The following KCNIP4 variants were observed in gnomAD, a reference collection of about 807,000 sequenced individuals.
KCNIP4 encodes the protein potassium voltage-gated channel interacting protein 4.
A neutral mutation model predicts 34.0 loss-of-function variants in KCNIP4; 12 were observed. That is an observed-to-expected ratio of 0.35 (90% CI 0.23 to 0.57). The LOEUF (loss-of-function observed/expected upper bound fraction) is 0.57. KCNIP4 is among the 20% of genes least tolerant of loss of function. KCNIP4 has a pLI of 0.83. For missense variants in KCNIP4, 238 were observed against 311.7 expected, an observed-to-expected ratio of 0.76 and a Z score of 1.78; for synonymous variants, 124 against 102.2, an observed-to-expected ratio of 1.21 and a Z score of -1.29.
intron 1 of KCNIP4, among the ~76,000 whole-genome samples, chr4:20,949,964 T>A (rs1347643540): frequency 6.6e-6 from 1 of 150,976 alleles, no homozygotes; most frequent in Non-Finnish European, 1.5e-5. Flanking sequence ...CATATGTAAC[T>A]AACCTGCACA....
intron 1 of KCNIP4, among the ~76,000 whole-genome samples, chr4:21,797,527 T>C (rs946206510): frequency 6.7e-6 from 1 of 149,646 alleles, no homozygotes; most frequent in South Asian, 2.2e-4. Flanking sequence ...ATTTATGTCT[T>C]ATGCTTTTGT....
intron 1 of KCNIP4, among the ~76,000 whole-genome samples, chr4:21,108,256 G>A (rs1467339034): frequency 2.1e-5 from 3 of 144,336 alleles, no homozygotes; most frequent in Non-Finnish European, 3.0e-5. Context: ...CGTAGATTTG[G>A]TCTTTTCACG....
chr4:21,526,322 C>T (rs114714117), intron 1 of KCNIP4, among the ~76,000 whole-genome samples: 2,133 of 152,176 alleles, frequency 0.014, 27 homozygotes, highest in Middle Eastern at 0.027. Context: ...CTCTTGCCTG[C>T]CGCCATGTAA....
At chr4:21,239,760 T>G (rs1577944305) in intron 1 of KCNIP4, among the ~76,000 whole-genome samples, 1 of 152,224 alleles carries the variant, frequency 6.6e-6, no homozygotes, top group East Asian at 1.9e-4. Context: ...ATAGGAACAC[T>G]TTTACACTGT....
At position 21,368,000 on chromosome 4, in the gene KCNIP4, C is replaced by T. The variant is rs960145358; in HGVS notation, c.62-485291G>A. On this transcript the variant is annotated intron_variant, in intron 1 of 8. Transcript: ENST00000382152. ...AAGCGTACCCATGTTTAACTCTCAACACCTCTTGCCAGGCTGAGACAAAAT... is the reference window on the plus strand; with the variant it reads ...AAGCGTACCCATGTTTAACTCTCAATACCTCTTGCCAGGCTGAGACAAAAT... Among the ~76,000 whole-genome samples, 5 of 147,256 alleles carry T rather than the reference C, an allele frequency of 3.4e-5. 1 individual carries two copies. The highest frequency in any genetic ancestry group is 5.4e-5 in the African/African-American group (2 of 36,872).
chr4:21,793,944 C>A (rs1256150787), intron 1 of KCNIP4, among the ~76,000 whole-genome samples: 1 of 152,174 alleles, frequency 6.6e-6, no homozygotes, highest in African/African-American at 2.4e-5. Flanking sequence ...CCATGGAATA[C>A]TATGCAGCCA....
intron 1 of KCNIP4, among the ~76,000 whole-genome samples, chr4:21,678,239 A>G (rs1750063197): frequency 6.6e-6 from 1 of 151,912 alleles, no homozygotes; most frequent in African/African-American, 2.4e-5. Flanking sequence ...GTTTCATGCA[A>G]ACTTTATCAT....
chr4:20,912,428 T>C (rs998494835), intron 1 of KCNIP4, among the ~76,000 whole-genome samples: 1 of 152,138 alleles, frequency 6.6e-6, no homozygotes, highest in African/African-American at 2.4e-5. Flanking sequence ...AAGAAATTCA[T>C]TTATAGGCTG....
At chr4:21,113,786 A>G (rs1749459969) in intron 1 of KCNIP4, among the ~76,000 whole-genome samples, 1 of 152,234 alleles carries the variant, frequency 6.6e-6, no homozygotes, top group Admixed American at 6.5e-5. Flanking sequence ...GTAAAGAAGA[A>G]ACAAACCATA....
At chr4:20,776,653 C>T (rs567624410) in intron 3 of KCNIP4, among the ~76,000 whole-genome samples, 8 of 152,138 alleles carry the variant, frequency 5.3e-5, no homozygotes, top group African/African-American at 9.6e-5. Flanking sequence ...CTAATTCTAC[C>T]GTTAGGAAAT....
chr4:21,807,618 C>T (rs1032784461), intron 1 of KCNIP4, among the ~76,000 whole-genome samples: 2 of 152,136 alleles, frequency 1.3e-5, no homozygotes, highest in Non-Finnish European at 2.9e-5. Context: ...TAACCTGTGG[C>T]TTAAGGTTGA....
At chr4:21,727,283 GA>G (rs1410630116) in intron 1 of KCNIP4, among the ~76,000 whole-genome samples, 1 of 152,054 alleles carries the variant, frequency 6.6e-6, no homozygotes, top group Non-Finnish European at 1.5e-5. Flanking sequence ...TCTACCATGT[GA>G]GGACATAATC....
rs199642929 is a variant in KCNIP4, at chr4:21,562,222, T to A, written c.61+386349A>T. On this transcript the variant is annotated intron_variant, in intron 1 of 8. Coordinates refer to ENST00000382152, the MANE Select transcript of KCNIP4 (RefSeq NM_025221.6). The stretch of plus-strand genomic sequence containing the variant: ...AAACAAATAAACCAAAGGTTTAATT[T>A]AAAAAAAAAATTGCTGAACCCTGGG... Among the ~76,000 whole-genome samples, 322 of 150,726 alleles carry A rather than the reference T, an allele frequency of 2.1e-3. 1 individual carries two copies. The highest frequency in any genetic ancestry group is 7.1e-3 in the African/African-American group (294 of 41,156).
intron 1 of KCNIP4, among the ~76,000 whole-genome samples, chr4:21,068,824 A>AT (rs1744644535): frequency 1.3e-5 from 2 of 152,200 alleles, no homozygotes; most frequent in Non-Finnish European, 2.9e-5. Context: ...CAGTAATCTT[A>AT]ATAATTTTAT....
At chr4:21,874,676 TC>T (rs1475368228) in intron 1 of KCNIP4, among the ~76,000 whole-genome samples, 1 of 152,226 alleles carries the variant, frequency 6.6e-6, no homozygotes, top group Non-Finnish European at 1.5e-5. Flanking sequence ...ATTTTGCTTC[TC>T]TTTTTTACCC....
chr4:21,027,096 GTTT>G (rs1265433960), intron 1 of KCNIP4, among the ~76,000 whole-genome samples: 4 of 152,212 alleles, frequency 2.6e-5, no homozygotes, highest in Admixed American at 2.6e-4. Context: ...GGATAGATCA[GTTT>G]CTTAAGAGCT....
intron 1 of KCNIP4, among the ~76,000 whole-genome samples, chr4:21,772,372 T>G: frequency 6.6e-6 from 1 of 152,004 alleles, no homozygotes; most frequent in Non-Finnish European, 1.5e-5. Context: ...CAGGGATATT[T>G]GCCTGATGTT....
At chr4:21,628,102 G>A (rs1218225614) in intron 1 of KCNIP4, among the ~76,000 whole-genome samples, 2 of 152,038 alleles carry the variant, frequency 1.3e-5, no homozygotes, top group East Asian at 3.9e-4. Context: ...TCCTCTGTAA[G>A]TATTGCTTAC....
chr4:20,842,274 C>T (rs1719824683), intron 3 of KCNIP4, among the ~76,000 whole-genome samples: 1 of 151,986 alleles, frequency 6.6e-6, no homozygotes, highest in African/African-American at 2.4e-5. Flanking sequence ...TAGCTGTTGT[C>T]CTGATGAAGA....
Sources: allele counts gnomAD v4.1 joint callset (sites outside exome capture counted in the v4.1 genomes callset), GRCh38; gene constraint gnomAD v4.1.1; transcripts MANE v1.5; gene names NCBI Gene and HGNC (gene_info 2026-07-23, HGNC 2026-07-21).